Variants in GALNS observed in about 807,000 individuals in gnomAD.
GALNS encodes galactosamine (N-acetyl)-6-sulfatase.
A neutral mutation model predicts 65.9 loss-of-function variants in GALNS; 65 were observed. That is an observed-to-expected ratio of 0.99 (90% CI 0.81 to 1.21). The LOEUF is 1.21. Ranked by LOEUF, GALNS falls within the 50% of genes most tolerant of loss-of-function variation. The pLI is 0.00. For synonymous variants in GALNS, 346 were observed against 288.9 expected, an observed-to-expected ratio of 1.20 and a Z score of -2.00; for missense variants, 776 against 700.7, an observed-to-expected ratio of 1.11 and a Z score of -1.21.
intron 9 of GALNS, among the ~76,000 whole-genome samples, chr16:88,827,968 ATCGCCAGCT>A (rs1277011056): frequency 5.9e-5 from 9 of 152,196 alleles, no homozygotes; most frequent in African/African-American, 2.2e-4. Context: ...GCAGACGGCG[ATCGCCAGCT>A]TCTCCAACAG....
At chr16:88,830,446 TG>T (rs1412472616) in intron 9 of GALNS, among the ~76,000 whole-genome samples, 2 of 152,044 alleles carry the variant, frequency 1.3e-5, no homozygotes, top group East Asian at 3.9e-4. Context: ...ATGTTGACTC[TG>T]GCTGTCGTCA....
At chr16:88,836,927 T>C (rs1912200431) in intron 5 of GALNS, among the ~76,000 whole-genome samples, 1 of 152,286 alleles carries the variant, frequency 6.6e-6, no homozygotes, top group East Asian at 1.9e-4. Context: ...ACAGTGCTGG[T>C]TGTCCCAGCC....
At chr16:88,845,965 G>A (rs778944722) in intron 1 of GALNS, among the ~76,000 whole-genome samples, 1 of 152,148 alleles carries the variant, frequency 6.6e-6, no homozygotes, top group Non-Finnish European at 1.5e-5. Context: ...TCCAGCCTGG[G>A]CAACAGGGTG....
intron 9 of GALNS, chr16:88,827,127 T>C (rs1597548529): frequency 1.8e-6 from 1 of 543,812 alleles, no homozygotes; most frequent in East Asian, 3.1e-5. Context: ...CCCAGGGAGA[T>C]GCCCCTCCAG....
At chr16:88,820,732 G>T (rs1463806666) in intron 12 of GALNS, among the ~76,000 whole-genome samples, 1 of 152,238 alleles carries the variant, frequency 6.6e-6, no homozygotes, top group Non-Finnish European at 1.5e-5. Context: ...CAACAGGCGG[G>T]GAGCAGTGGC....
rs1469478241 is a variant in GALNS at position 88,851,726 on chromosome 16, G to A, written c.120+5032C>T. On this transcript the variant is annotated intron_variant, in intron 1 of 13. Transcript: ENST00000268695. ...GATTATATCCCGGGCCTGGCTCGGA[G>A]GGTCTCATGCCCACGGAGCCTTGCT... Among the ~76,000 whole-genome samples the A allele has an allele frequency of 1.3e-5, 2 of 152,260 alleles. 1 individual carries two copies. Among genetic ancestry groups the A allele is most frequent in the South Asian group, 4.1e-4 (2 of 4,832 alleles).
In GALNS at chr16:88,813,824, A is replaced by T. The variant is rs1028643785; in HGVS notation, c.*615T>A. 3 of 156,040 alleles carry T rather than the reference A, an allele frequency of 1.9e-5. No homozygotes were observed. The highest frequency in any genetic ancestry group is 7.2e-5 in the African/African-American group (3 of 41,490). The allele number at this position is 156,040 out of a possible 1,614,324, so 9.7% of individuals were successfully genotyped here. A position where few individuals can be genotyped will look rare whatever the true frequency, so the allele number is the denominator to read the frequency against. On this transcript the variant is annotated 3_prime_UTR_variant, in exon 14 of 14. Transcript: ENST00000268695. ...GAAGCTACACGCCTCCCTCATAATTAGCGTCCAGGGAAATTCCTTGTGGAC... is the reference window on the plus strand; with the variant it reads ...GAAGCTACACGCCTCCCTCATAATTTGCGTCCAGGGAAATTCCTTGTGGAC...
intron 1 of GALNS, among the ~76,000 whole-genome samples, chr16:88,846,325 G>A (rs1040556052): frequency 1.3e-5 from 2 of 152,068 alleles, no homozygotes; most frequent in Non-Finnish European, 2.9e-5. Context: ...GAGACAGGGC[G>A]AAGGTGGCCG....
In GALNS at chr16:88,841,210, G is replaced by A. The variant is rs1240341923; in HGVS notation, c.320-116C>T. The A allele has an allele frequency of 9.9e-6, 8 of 810,550 alleles. No homozygotes were observed. The East Asian group carries it at 1.1e-4, about 11-fold the overall frequency. The allele number at this position is 810,550 out of a possible 1,614,324, so 50.2% of individuals were successfully genotyped here. On this transcript the variant is annotated intron_variant, in intron 3 of 13. Transcript: ENST00000268695. ...CATCCTAACAGGACACTGGCCCCTC[G>A]GGGTCAAAGGCTGTGCCTGGGGGCT...
In GALNS at chr16:88,831,999, T is replaced by C. The variant is rs138555898; in HGVS notation, c.1001A>G (p.Gln334Arg). The change falls in exon 9 of 14, where the codon CAG (glutamine) becomes CGG (arginine). Residue 334 changes from glutamine to arginine, a missense_variant and splice_region_variant. Coordinates refer to ENST00000268695, the MANE Select transcript of GALNS (RefSeq NM_000512.5). ...AWWPGHVTAG[Q>R]VSHQLGSIMD... ...GCAGACCGGTGGACGCTGACTCACCTGGCCTGCAGTGACGTGCCCTGGCCA... is the reference window on the plus strand; with the variant it reads ...GCAGACCGGTGGACGCTGACTCACCCGGCCTGCAGTGACGTGCCCTGGCCA... 470 of 1,612,688 alleles carry C rather than the reference T, an allele frequency of 2.9e-4. 2 individuals are homozygous for C. The highest frequency in any genetic ancestry group is 6.8e-5 in the Non-Finnish European group (80 of 1,179,402).
chr16:88,815,358 T>C (rs950154405), intron 13 of GALNS: 1 of 985,364 alleles, frequency 1.0e-6, no homozygotes, highest in African/African-American at 1.7e-5. Flanking sequence ...CACCCTCTCC[T>C]GCAGCTTCAG....
In GALNS at chr16:88,834,641, C is replaced by A. The variant is rs797020638; in HGVS notation, c.898+572G>T. On this transcript the variant is annotated intron_variant, in intron 8 of 13. Transcript: ENST00000268695. ...CTGGGAAGAGGCTGCAGGGCCCCCC[C>A]CCGCGTGGTCTGGGAAGAGGCGGGT... is the stretch of plus-strand genomic sequence containing the variant. Among the ~76,000 whole-genome samples, 288 of 130,482 alleles carry A rather than the reference C, an allele frequency of 2.2e-3. 23 individuals carry two copies. Among genetic ancestry groups the A allele is most frequent in the African/African-American group, 7.0e-3 (250 of 35,480 alleles). 85.6% of individuals were successfully genotyped at this position (130,482 alleles called of 152,430 possible).
intron 8 of GALNS, 43 bp from the exon 9 acceptor site, chr16:88,832,144 C>T (rs1342882095): frequency 1.3e-6 from 2 of 1,537,350 alleles, no homozygotes; most frequent in Non-Finnish European, 9.0e-7. Context: ...GACCAGATGT[C>T]CCCAGGCCCT....
In GALNS at chr16:88,825,161, G is replaced by A. The variant is rs555691252; in HGVS notation, c.1140-292C>T. ...GCGGCCGGGGCTGGGGTGACTGGGT[G>A]TTTGGGCGGCCGGGGCTGGGGTGAC... On this transcript the variant is annotated intron_variant, in intron 10 of 13. Coordinates refer to ENST00000268695, the MANE Select transcript of GALNS (RefSeq NM_000512.5). Among the ~76,000 whole-genome samples the A allele has an allele frequency of 2.7e-5, 4 of 147,060 alleles. No individual in the cohort carries two copies. In the South Asian group the frequency reaches 8.6e-4, roughly 32 times the overall value.
intron 1 of GALNS, among the ~76,000 whole-genome samples, chr16:88,851,370 T>C (rs1967499696): frequency 6.6e-6 from 1 of 152,174 alleles, no homozygotes; most frequent in Middle Eastern, 3.2e-3. Context: ...TTTTTTTAAT[T>C]AGCCGGGTGT....
At chr16:88,850,372 G>A (rs117649654) in intron 1 of GALNS, among the ~76,000 whole-genome samples, 1,716 of 152,260 alleles carry the variant, frequency 0.011, 10 homozygotes, top group Middle Eastern at 0.02. Context: ...AGCTGCGTCC[G>A]GATCTGCTTG....
chr16:88,815,751 G>A lies in GALNS; in HGVS notation c.1483-1226C>T. Reference sequence around the variant, plus strand: ...CTAGGCGGCAGCAGGGATGCCGCATGAGTGTCCCTGCCCCCTTGGCCACCA... The same window carrying A: ...CTAGGCGGCAGCAGGGATGCCGCATAAGTGTCCCTGCCCCCTTGGCCACCA... On this transcript the variant is annotated intron_variant, in intron 13 of 13. Transcript: ENST00000268695. 4 of 985,460 alleles carry A rather than the reference G, an allele frequency of 4.1e-6. No homozygotes were observed. The South Asian group carries it at 1.9e-4, about 46-fold the overall frequency. The allele number at this position is 985,460 out of a possible 1,614,324, so 61.0% of individuals were successfully genotyped here. A position where few individuals can be genotyped will look rare whatever the true frequency, so the allele number is the denominator to read the frequency against.
intron 1 of GALNS, among the ~76,000 whole-genome samples, chr16:88,851,439 G>C (rs533461701): frequency 1.3e-5 from 2 of 152,308 alleles, no homozygotes; most frequent in East Asian, 3.9e-4. Flanking sequence ...CTCCCAGCGT[G>C]ATTGACGCAG....
chr16:88,825,247 GTGGC>G (rs1255285872), intron 10 of GALNS, among the ~76,000 whole-genome samples: 12 of 127,386 alleles, frequency 9.4e-5, no homozygotes, highest in African/African-American at 4.7e-4. Flanking sequence ...GGGTGTCTGG[GTGGC>G]CAGGGCTGGG....
Sources: gnomAD v4.1 joint callset for allele counts (sites outside exome capture counted in the v4.1 genomes callset) on GRCh38, gnomAD v4.1.1 for gene constraint, MANE v1.5 for transcripts, NCBI Gene and HGNC (gene_info 2026-07-23, HGNC 2026-07-21) for gene names.